Variants in NBEA observed in about 807,000 individuals in gnomAD.
NBEA encodes the protein neurobeachin, also known as lysosomal-trafficking regulator 2.
Under a neutral mutation model 343.4 loss-of-function variants are expected in NBEA, and 44 were observed. That is an observed-to-expected ratio of 0.13 (90% CI 0.10 to 0.16). NBEA has a LOEUF of 0.16. Among genes scored for constraint, NBEA ranks in the 10% least tolerant of loss-of-function variants. The probability of loss-of-function intolerance (pLI) is 1.00; values close to 1 mark genes in which losing one functional copy is unlikely to be tolerated. For synonymous variants in NBEA, 1,175 were observed against 1,238.7 expected (o/e 0.95, Z 1.08); for missense variants, 2,555 against 3,631.3 (o/e 0.70, Z 7.62).
chr13:35,622,189 G>T (rs10507426), intron 48 of NBEA, among the ~76,000 whole-genome samples: 5,150 of 152,230 alleles, frequency 0.034, 316 homozygotes, highest in African/African-American at 0.12. Context: ...AAGCTCTGAG[G>T]TCATACCAGC....
At chr13:35,031,630 C>A (rs1477172282) in intron 1 of NBEA, among the ~76,000 whole-genome samples, 1 of 151,336 alleles carries the variant, frequency 6.6e-6, no homozygotes, top group African/African-American at 2.4e-5. Context: ...ATGCTCCCAA[C>A]AATTTTATTA....
intron 45 of NBEA, among the ~76,000 whole-genome samples, chr13:35,577,635 C>T (rs3829369): frequency 0.11 from 16,085 of 151,810 alleles, 1,035 homozygotes; most frequent in African/African-American, 0.18. Context: ...AAAATTTCCA[C>T]ATGGAAATTT....
rs190455663 is a variant in NBEA, at chr13:35,126,544, G to A, written c.2336+2970G>A. On this transcript the variant is annotated intron_variant, in intron 17 of 58. Transcript: ENST00000379939. Reference sequence around the variant, plus strand: ...CACAGAAGATAAAACTGAAAAAAAAGCAAATATTATGAATAGATGAAAATA... The same window carrying A: ...CACAGAAGATAAAACTGAAAAAAAAACAAATATTATGAATAGATGAAAATA... 1.1e-4 allele frequency among the ~76,000 whole-genome samples: 16 copies of A among 152,060 alleles called. 1 individual carries two copies. In the East Asian group the frequency reaches 3.1e-3, roughly 29 times the overall value.
At chr13:35,011,680 A>G (rs2061498033) in intron 1 of NBEA, among the ~76,000 whole-genome samples, 1 of 152,218 alleles carries the variant, frequency 6.6e-6, no homozygotes, top group African/African-American at 2.4e-5. Flanking sequence ...TTTGAACTAC[A>G]TAATGATCTC....
At chr13:35,645,684 T>C (rs1221240376) in intron 49 of NBEA, among the ~76,000 whole-genome samples, 185 bp from the exon 50 acceptor site, 1 of 152,204 alleles carries the variant, frequency 6.6e-6, no homozygotes, top group African/African-American at 2.4e-5. Flanking sequence ...GAATTCATCT[T>C]AAAATAGCAT....
intron 6 of NBEA, among the ~76,000 whole-genome samples, chr13:35,055,775 G>A (rs967870864): frequency 5.3e-5 from 8 of 152,088 alleles, no homozygotes; most frequent in African/African-American, 1.9e-4. Flanking sequence ...TGGAAGGAAC[G>A]TCACGCTGGA....
chr13:35,039,627 A>G (rs1278797206), intron 1 of NBEA, among the ~76,000 whole-genome samples: 2 of 152,242 alleles, frequency 1.3e-5, no homozygotes, highest in East Asian at 1.9e-4. Context: ...TAATAGTGTC[A>G]TAATAGATGT....
chr13:35,188,882 T>C (rs372705188), intron 30 of NBEA, among the ~76,000 whole-genome samples: 1 of 150,998 alleles, frequency 6.6e-6, no homozygotes, highest in African/African-American at 2.4e-5. Context: ...TCACATCTTC[T>C]CCAACACCTA....
chr13:35,366,335 CACTT>C (rs1162034876), intron 38 of NBEA, among the ~76,000 whole-genome samples: 1 of 151,250 alleles, frequency 6.6e-6, no homozygotes, highest in East Asian at 1.9e-4. Context: ...TAACAGATAA[CACTT>C]ACTAGAACAT....
At chr13:35,528,444 T>TA (rs990203223) in intron 41 of NBEA, among the ~76,000 whole-genome samples, 1 of 152,196 alleles carries the variant, frequency 6.6e-6, no homozygotes, top group East Asian at 1.9e-4. Context: ...CACAACTTGA[T>TA]AAAAACTACA....
At chr13:35,228,150 A>G (rs1248641372) in intron 33 of NBEA, among the ~76,000 whole-genome samples, 3 of 152,064 alleles carry the variant, frequency 2.0e-5, no homozygotes, top group Admixed American at 1.3e-4. Flanking sequence ...GACTTCCTTA[A>G]TACAGGTAAA....
At chr13:35,392,566 G>A (rs1382301825) in intron 38 of NBEA, among the ~76,000 whole-genome samples, 1 of 151,386 alleles carries the variant, frequency 6.6e-6, no homozygotes, top group Non-Finnish European at 1.5e-5. Context: ...TGATTACAGA[G>A]TAGTAATCTA....
intron 47 of NBEA, among the ~76,000 whole-genome samples, chr13:35,599,093 C>T (rs373811377): frequency 2.0e-5 from 3 of 152,068 alleles, no homozygotes; most frequent in Non-Finnish European, 4.4e-5. Flanking sequence ...TTGCAGAAGA[C>T]GATGTTAATT....
At chr13:35,019,099 C>A (rs1413249633) in intron 1 of NBEA, among the ~76,000 whole-genome samples, 2 of 151,274 alleles carry the variant, frequency 1.3e-5, no homozygotes, top group Non-Finnish European at 2.9e-5. Context: ...GGGATAAAAC[C>A]AACTTGGTCA....
At position 35,671,537 on chromosome 13, in the gene NBEA, G is replaced by T. The variant is rs191113061; in HGVS notation, c.*546G>T. 653 of 153,162 alleles carry T rather than the reference G, an allele frequency of 4.3e-3. 4 individuals carry two copies. The highest frequency in any genetic ancestry group is 4.2e-3 in the Non-Finnish European group (289 of 68,368). The allele number at this position is 153,162 out of a possible 1,614,324, so 9.5% of individuals were successfully genotyped here. A position where few individuals can be genotyped will look rare whatever the true frequency, so the allele number is the denominator to read the frequency against. ...TACAACTTGCATGTTCCTTACTCCT[G>T]TTGGCTTGATGGAACAGGTGCATTC... On this transcript the variant is annotated 3_prime_UTR_variant, in exon 59 of 59. Coordinates refer to ENST00000379939, the MANE Select transcript of NBEA (RefSeq NM_001385012.1).
At chr13:35,379,604 G>A (rs1566051452) in intron 38 of NBEA, among the ~76,000 whole-genome samples, 1 of 151,950 alleles carries the variant, frequency 6.6e-6, no homozygotes, top group Non-Finnish European at 1.5e-5. Flanking sequence ...GCATCACAAA[G>A]ATGTTCTCTT....
At chr13:35,501,657 C>A (rs766380666) in intron 41 of NBEA, among the ~76,000 whole-genome samples, 3 of 152,104 alleles carry the variant, frequency 2.0e-5, no homozygotes, top group Non-Finnish European at 4.4e-5. Flanking sequence ...TAATAAATAA[C>A]CTACCTCACC....
rs189316421 is a variant in NBEA at position 35,252,290 on chromosome 13, C to T, written c.5776+19671C>T. 8.5e-5 allele frequency among the ~76,000 whole-genome samples: 13 copies of T among 152,206 alleles called. No individual in the cohort carries two copies. The East Asian group carries it at 1.7e-3, about 20-fold the overall frequency. ...CAGATCTCATGAGAAGTCACTGTCC[C>T]GTGAACAGCATGGGAGAAATCACCC... is the stretch of plus-strand genomic sequence containing the variant. On this transcript the variant is annotated intron_variant, in intron 34 of 58. Transcript: ENST00000379939.
chr13:35,356,118 C>T (rs1263033098), intron 38 of NBEA, among the ~76,000 whole-genome samples: 1 of 151,842 alleles, frequency 6.6e-6, no homozygotes, highest in East Asian at 1.9e-4. Flanking sequence ...TGGTGTATGC[C>T]CTTTTTTCAG....
Sources: gnomAD v4.1 joint callset for allele counts (sites outside exome capture counted in the v4.1 genomes callset) on GRCh38, gnomAD v4.1.1 for gene constraint, MANE v1.5 for transcripts, NCBI Gene and HGNC (gene_info 2026-07-23, HGNC 2026-07-21) for gene names.